Variants in RAF1 observed in about 807,000 individuals in gnomAD.
RAF1 encodes RAF proto-oncogene serine/threonine-protein kinase.
RAF1 carries 27 observed loss-of-function variants against 81.1 expected under a neutral mutation model. That is an observed-to-expected ratio of 0.33 (90% CI 0.25 to 0.46). The LOEUF (loss-of-function observed/expected upper bound fraction) is 0.46. Ranked by LOEUF, RAF1 falls within the 20% of genes least tolerant of loss-of-function variation. The pLI is 1.00. For synonymous variants in RAF1, 298 were observed against 294.0 expected (o/e 1.01, Z -0.14); for missense variants, 598 against 826.0 (o/e 0.72, Z 3.38).
chr3:12,625,836 C>T (rs1244081080), intron 1 of RAF1, among the ~76,000 whole-genome samples: 2 of 152,094 alleles, frequency 1.3e-5, no homozygotes. Context: ...CACACACACA[C>T]GAGTCATTTT....
At chr3:12,634,304 G>A (rs1367106720) in intron 1 of RAF1, among the ~76,000 whole-genome samples, 2 of 151,102 alleles carry the variant, frequency 1.3e-5, no homozygotes, top group South Asian at 2.1e-4. Context: ...ACACTACCAC[G>A]CCTGGCTAAT....
intron 5 of RAF1, among the ~76,000 whole-genome samples, chr3:12,607,059 G>A (rs1303905788): frequency 2.0e-5 from 3 of 152,130 alleles, no homozygotes; most frequent in Non-Finnish European, 4.4e-5. Flanking sequence ...TCAAACTACA[G>A]TATAACATTT....
intron 1 of RAF1, among the ~76,000 whole-genome samples, chr3:12,642,837 T>G (rs1296092778): frequency 6.7e-6 from 1 of 149,718 alleles, no homozygotes; most frequent in South Asian, 2.1e-4. Context: ...CAGAGAGCCA[T>G]GATCACGTCA....
At chr3:12,597,999 ATTTTC>A (rs1416945702) in intron 11 of RAF1, among the ~76,000 whole-genome samples, 178 of 123,898 alleles carry the variant, frequency 1.4e-3, no homozygotes, top group African/African-American at 5.1e-3. Context: ...ACTAGATGCA[ATTTTC>A]TTTTCCTTTT....
At chr3:12,656,177 A>T (rs538431462) in intron 1 of RAF1, among the ~76,000 whole-genome samples, 69 of 149,650 alleles carry the variant, frequency 4.6e-4, no homozygotes, top group Non-Finnish European at 9.2e-4. Flanking sequence ...CTCCTCTCAA[A>T]ATCACACTAT....
chr3:12,617,125 C>CT (rs1161456295), intron 2 of RAF1, among the ~76,000 whole-genome samples: 5 of 151,822 alleles, frequency 3.3e-5, no homozygotes, highest in African/African-American at 9.7e-5. Context: ...GTTGTTATTT[C>CT]TTTTTTTAAT....
chr3:12,612,626 G>A (rs1279650225), intron 2 of RAF1, among the ~76,000 whole-genome samples: 4 of 146,484 alleles, frequency 2.7e-5, no homozygotes, highest in Non-Finnish European at 5.9e-5. Context: ...TCCAGCCTGG[G>A]TGACAAGAAC....
intron 1 of RAF1, among the ~76,000 whole-genome samples, chr3:12,650,239 G>A (rs1482674284): frequency 6.7e-6 from 1 of 149,384 alleles, no homozygotes; most frequent in Non-Finnish European, 1.5e-5. Context: ...TAGAAGGATT[G>A]TCTGAGCCCA....
rs1575565653 is a variant in RAF1 at position 12,600,402 on chromosome 3, C to T, written c.908G>A (p.Ser303Asn). 3.3e-5 allele frequency: 54 copies of T among 1,614,202 alleles called. No homozygotes were observed. The highest frequency in any genetic ancestry group is 4.6e-5 in the Non-Finnish European group (54 of 1,180,036). The stretch of plus-strand genomic sequence containing the variant: ...TGGAAAAGTACCTGATTCGCTGTGA[C>T]TTCGAATTGCATCCTGAAACAGAAA... The change falls in exon 9 of 18, where the codon AGT becomes AAT. Residue 303 changes from serine to asparagine, a missense_variant. This residue lies in a region of RAF1 where 194 missense variants were observed against 202.7 expected (regional missense o/e 0.96). Transcript: ENST00000442415.
At chr3:12,612,145 CT>C in intron 2 of RAF1, 83 bp from the exon 3 acceptor site, 1 of 1,076,834 alleles carries the variant, frequency 9.3e-7, no homozygotes, top group Non-Finnish European at 1.4e-6. Context: ...ATGCACCAGT[CT>C]GTATTGCTTG....
rs370658857 is a variant in RAF1, at chr3:12,604,262, G to A, written c.708C>T (p.His236=). Residue 236 remains histidine (H), a synonymous_variant, in exon 7 of 18, where the codon CAC becomes CAT. Transcript: ENST00000442415. Reference sequence around the variant, plus strand: ...GACTGGAGGTGTTAAAGGTGAAGGCGTGAGGTGTAGAATATCTGTGCTGAG... The same window carrying A: ...GACTGGAGGTGTTAAAGGTGAAGGCATGAGGTGTAGAATATCTGTGCTGAG... 5.0e-6 allele frequency: 8 copies of A among 1,614,134 alleles called. No homozygotes were observed. Among genetic ancestry groups the A allele is most frequent in the Admixed American group, 1.7e-5 (1 of 60,008 alleles).
chr3:12,595,902 G>T (rs1257263327), intron 11 of RAF1, among the ~76,000 whole-genome samples: 1 of 150,704 alleles, frequency 6.6e-6, no homozygotes, highest in Non-Finnish European at 1.5e-5. Flanking sequence ...TGGACACAGG[G>T]TCTTGTTCTG....
Position 12,583,938 on chromosome 3 carries a change from T to C in RAF1, c.*576A>G, listed in dbSNP as rs533789820. 1.6e-5 allele frequency: 4 copies of C among 242,894 alleles called. No individual in the cohort carries two copies. In the East Asian group the frequency reaches 2.3e-4, roughly 14 times the overall value. 15.0% of individuals were successfully genotyped at this position (242,894 alleles called of 1,614,324 possible). On this transcript the variant is annotated 3_prime_UTR_variant, in exon 18 of 18. Coordinates refer to ENST00000442415, the MANE Select transcript of RAF1 (RefSeq NM_001354689.3). Reference sequence around the variant, plus strand: ...AACCATCCCAATGCACTGGACACCTTAGAAGCTGTGAAAGGAGGACGTGTC... The same window carrying C: ...AACCATCCCAATGCACTGGACACCTCAGAAGCTGTGAAAGGAGGACGTGTC...
chr3:12,633,082 G>T (rs1242690020), intron 1 of RAF1, among the ~76,000 whole-genome samples: 1 of 152,090 alleles, frequency 6.6e-6, no homozygotes, highest in East Asian at 1.9e-4. Context: ...TCTCATCCAT[G>T]CACCCAAAGA....
intron 1 of RAF1, among the ~76,000 whole-genome samples, chr3:12,663,418 T>G (rs967319066): frequency 6.6e-6 from 1 of 152,144 alleles, no homozygotes; most frequent in Non-Finnish European, 1.5e-5. Context: ...TGAAGTACCC[T>G]GAGAAAGGGT....
Position 12,599,926 on chromosome 3 carries a change from T to C in RAF1, c.1051-118A>G, listed in dbSNP as rs5746223. Reference sequence around the variant, plus strand: ...TCCATATCTTTTAAAGATAAACATATTAACCATACTTCCAATTTTTGTCTT... The same window carrying C: ...TCCATATCTTTTAAAGATAAACATACTAACCATACTTCCAATTTTTGTCTT... On this transcript the variant is annotated intron_variant, in intron 10 of 17. Coordinates refer to ENST00000442415, the MANE Select transcript of RAF1 (RefSeq NM_001354689.3). 0.11 allele frequency: 131,033 copies of C among 1,180,058 alleles called. 8,221 individuals carry two copies. Among genetic ancestry groups the C allele is most frequent in the African/African-American group, 0.23 (15,027 of 66,152 alleles). 73.1% of individuals were successfully genotyped at this position (1,180,058 alleles called of 1,614,324 possible).
chr3:12,602,802 G>A (rs533859377), intron 8 of RAF1, among the ~76,000 whole-genome samples: 1 of 152,176 alleles, frequency 6.6e-6, no homozygotes, highest in Non-Finnish European at 1.5e-5. Flanking sequence ...TGTTGAAAGT[G>A]ATTTGAGGTC....
In RAF1 at chr3:12,604,309, T is replaced by C. The variant is rs912030634; in HGVS notation, c.681-20A>G. 5 of 1,611,666 alleles carry C rather than the reference T, an allele frequency of 3.1e-6. No homozygotes were observed. In the African/African-American group the frequency reaches 6.7e-5, roughly 22 times the overall value. ...TGAGAACTAGGAGGAGAAAGAAAAT[T>C]CCATGATTGGCACTTAGGCTTTCAT... On this transcript the variant is annotated intron_variant, in intron 6 of 17. Transcript: ENST00000442415.
At chr3:12,610,252 TCTACCAGAAGC>T (rs1196767624) in intron 3 of RAF1, among the ~76,000 whole-genome samples, 1 of 152,234 alleles carries the variant, frequency 6.6e-6, no homozygotes, top group Non-Finnish European at 1.5e-5. Context: ...CTCTCCATTA[TCTACCAGAAGC>T]CTAGTCAAGC....
Sources: gnomAD v4.1 joint callset for allele counts (sites outside exome capture counted in the v4.1 genomes callset) on GRCh38, gnomAD v4.1.1 for gene constraint, gnomAD v4.1.1 regional missense constraint, MANE v1.5 for transcripts, NCBI Gene and HGNC (gene_info 2026-07-23, HGNC 2026-07-21) for gene names.